Variants in SETBP1 observed in about 807,000 individuals in gnomAD.
SETBP1 encodes the protein SET binding protein 1.
SETBP1 carries 9 observed loss-of-function variants against 101.0 expected under a neutral mutation model. The ratio of observed to expected loss-of-function variants is 0.09; its 90% confidence interval spans 0.05 to 0.16. SETBP1 has a LOEUF of 0.16. SETBP1 is among the 10% of genes least tolerant of loss of function. The pLI, the probability that SETBP1 is intolerant of heterozygous loss-of-function variation, is 1.00. For synonymous variants in SETBP1, 818 were observed against 788.5 expected, an observed-to-expected ratio of 1.04 and a Z score of -0.63; for missense variants, 1,858 against 2,033.8, an observed-to-expected ratio of 0.91 and a Z score of 1.66.
At chr18:44,824,580 C>CGCCTCTATATTTCTGAG (rs1568165758) in intron 2 of SETBP1, among the ~76,000 whole-genome samples, 3 of 151,990 alleles carry the variant, frequency 2.0e-5, no homozygotes, top group African/African-American at 7.3e-5. Flanking sequence ...ATATTTCTGA[C>CGCCTCTATATTTCTGAG]GGTGTAACAT....
At chr18:44,877,420 T>G (rs1238007492) in intron 3 of SETBP1, 3 of 971,544 alleles carry the variant, frequency 3.1e-6, no homozygotes, top group Non-Finnish European at 3.7e-6. Context: ...TTGGACTCCT[T>G]ATTTGTCTTT....
At chr18:44,943,840 CT>C (rs57430235) in intron 3 of SETBP1, among the ~76,000 whole-genome samples, 49,631 of 142,320 alleles carry the variant, frequency 0.35, 8,412 homozygotes, top group South Asian at 0.43. Flanking sequence ...CTTTTTTTTT[CT>C]TTTTTTTTTT....
chr18:44,886,885 T>A (rs1388696922), intron 3 of SETBP1, among the ~76,000 whole-genome samples: 1 of 151,950 alleles, frequency 6.6e-6, no homozygotes, highest in African/African-American at 2.4e-5. Context: ...TCCTCCAAAG[T>A]GACGAATTCC....
rs2070954151 is a variant in SETBP1, at chr18:44,774,623, A to ATTAT, written c.486+72791_486+72792insTTAT. Among the ~76,000 whole-genome samples the ATTAT allele has an allele frequency of 2.0e-5, 3 of 152,250 alleles. No individual in the cohort carries two copies. The South Asian group carries it at 6.2e-4, about 32-fold the overall frequency. The stretch of plus-strand genomic sequence containing the variant: ...GTAGATGATTTGTGGATAGGGTGCG[A>ATTAT]GCACATGGGATTATGAAAACTCAGA... On this transcript the variant is annotated intron_variant, in intron 2 of 5. Transcript: ENST00000649279.
At chr18:45,047,568 AT>A (rs1568049664) in intron 5 of SETBP1, among the ~76,000 whole-genome samples, 4 of 152,192 alleles carry the variant, frequency 2.6e-5, no homozygotes. Context: ...TCTGTAATTA[AT>A]GGAGAGTTTT....
chr18:44,938,072 G>T (rs551185687), intron 3 of SETBP1, among the ~76,000 whole-genome samples: 2 of 152,170 alleles, frequency 1.3e-5, no homozygotes, highest in East Asian at 1.9e-4. Context: ...AGCAGGGAGT[G>T]GGGGAGCAGG....
chr18:44,777,573 G>A (rs1341561639), intron 2 of SETBP1, among the ~76,000 whole-genome samples: 1 of 152,130 alleles, frequency 6.6e-6, no homozygotes, highest in East Asian at 1.9e-4. Flanking sequence ...ATCTCTGGCT[G>A]TTCTGCTCAC....
chr18:44,824,709 C>G (rs1232608378), intron 2 of SETBP1, among the ~76,000 whole-genome samples: 1 of 151,828 alleles, frequency 6.6e-6, no homozygotes, highest in Non-Finnish European at 1.5e-5. Flanking sequence ...TTTCTTTTCC[C>G]CAGGGAATTG....
At chr18:44,840,230 T>A (rs976935764) in intron 2 of SETBP1, among the ~76,000 whole-genome samples, 2 of 152,226 alleles carry the variant, frequency 1.3e-5, no homozygotes, top group African/African-American at 4.8e-5. Context: ...TTAACAGATG[T>A]GGACCCTGAG....
At chr18:44,941,825 T>G (rs1035098840) in intron 3 of SETBP1, among the ~76,000 whole-genome samples, 31 of 152,220 alleles carry the variant, frequency 2.0e-4, no homozygotes, top group African/African-American at 7.0e-4. Flanking sequence ...ATTATTTTAG[T>G]GTAGTCGTTG....
intron 3 of SETBP1, among the ~76,000 whole-genome samples, chr18:44,937,774 G>C (rs1027853985): frequency 6.6e-6 from 1 of 152,148 alleles, no homozygotes; most frequent in African/African-American, 2.4e-5. Context: ...CGTTTCGGCA[G>C]ATTCCCCAGG....
chr18:44,969,151 T>C (rs1242603541), intron 4 of SETBP1, among the ~76,000 whole-genome samples: 2 of 152,174 alleles, frequency 1.3e-5, no homozygotes, highest in African/African-American at 2.4e-5. Context: ...CATTAAAAAA[T>C]AGAAGTCTCA....
chr18:44,728,180 A>T (rs2069757657), intron 2 of SETBP1, among the ~76,000 whole-genome samples: 1 of 152,182 alleles, frequency 6.6e-6, no homozygotes, highest in South Asian at 2.1e-4. Flanking sequence ...TGGCTACTTT[A>T]TTCAAATTCC....
intron 4 of SETBP1, among the ~76,000 whole-genome samples, chr18:44,993,732 A>G (rs1330126863): frequency 3.3e-5 from 5 of 152,084 alleles, no homozygotes; most frequent in Admixed American, 3.3e-4. Context: ...AATTTCAACA[A>G]GCAGATTTGG....
At chr18:44,910,017 A>G (rs993325743) in intron 3 of SETBP1, among the ~76,000 whole-genome samples, 1 of 152,172 alleles carries the variant, frequency 6.6e-6, no homozygotes, top group Non-Finnish European at 1.5e-5. Context: ...TTGTCTATGA[A>G]TTCCTATTGC....
At chr18:44,868,404 A>G (rs1170100736) in intron 2 of SETBP1, among the ~76,000 whole-genome samples, 1 of 152,150 alleles carries the variant, frequency 6.6e-6, no homozygotes, top group Non-Finnish European at 1.5e-5. Context: ...TAAAAAAGAA[A>G]GAAAAAATGG....
intron 3 of SETBP1, among the ~76,000 whole-genome samples, chr18:44,899,025 C>A (rs1404710572): frequency 6.6e-6 from 1 of 152,134 alleles, no homozygotes; most frequent in African/African-American, 2.4e-5. Flanking sequence ...GGTCTCATAT[C>A]GGGAGATACT....
At position 44,703,993 on chromosome 18, in the gene SETBP1, GTC is replaced by G. The variant is rs2069167226; in HGVS notation, c.486+2164_486+2165del. ...TTGTCTTGAGTAATGGTTACCCTTTGTCTCCATCACCTTCACTGCCAGGATTT... is the reference window on the plus strand; with the variant it reads ...TTGTCTTGAGTAATGGTTACCCTTTGTCCATCACCTTCACTGCCAGGATTT... On this transcript the variant is annotated intron_variant, in intron 2 of 5. Transcript: ENST00000649279. 2.0e-5 allele frequency among the ~76,000 whole-genome samples: 3 copies of G among 152,278 alleles called. No homozygotes were observed. The South Asian group carries it at 6.2e-4, about 32-fold the overall frequency.
chr18:44,690,176 G>A (rs2068905845), intron 1 of SETBP1, among the ~76,000 whole-genome samples: 1 of 152,226 alleles, frequency 6.6e-6, no homozygotes, highest in African/African-American at 2.4e-5. Context: ...TTATTTCCAA[G>A]TGTTTAATGT....
Sources: allele counts gnomAD v4.1 joint callset (sites outside exome capture counted in the v4.1 genomes callset), GRCh38; gene constraint gnomAD v4.1.1; transcripts MANE v1.5; gene names NCBI Gene and HGNC (gene_info 2026-07-23, HGNC 2026-07-21).